PVALEF: variants seen among roughly 807,000 people sequenced by gnomAD.
The protein encoded by PVALEF is parvalbumin like EF-hand containing, also known as parvalbumin-like EF-hand-containing protein.
A neutral mutation model predicts 1.2 loss-of-function variants in PVALEF; 2 were observed. The ratio of observed to expected loss-of-function variants is 1.68; its 90% CI spans 0.69 to 5.28. PVALEF has a LOEUF of 5.28. PVALEF is among the 30% of genes most tolerant of loss of function. PVALEF has a pLI of 0.06. For synonymous variants in PVALEF, 16 were observed against 6.5 expected (o/e 2.47, Z -2.24); for missense variants, 35 against 17.7 (o/e 1.97, Z -1.75).
chr17:81,172,529 G>A (rs2061524070), intron 2 of PVALEF, among the ~76,000 whole-genome samples: 1 of 152,200 alleles, frequency 6.6e-6, no homozygotes, highest in Non-Finnish European at 1.5e-5. Context: ...TGTAATCCCG[G>A]CACTTTGGGA....
At chr17:81,165,880 C>T in intron 1 of PVALEF, 133 bp downstream of exon 1, 1 of 1,548,238 alleles carries the variant, frequency 6.5e-7, no homozygotes, top group Non-Finnish European at 8.7e-7. Flanking sequence ...GGCCCAGGGG[C>T]ATCACGTCCG....
intron 2 of PVALEF, among the ~76,000 whole-genome samples, chr17:81,172,745 C>T (rs2061524888): frequency 6.6e-6 from 1 of 152,142 alleles, no homozygotes; most frequent in African/African-American, 2.4e-5. Flanking sequence ...GCCTGGGCGA[C>T]AGAGCGAGAC....
chr17:81,174,006 G>T (rs963053396), intron 2 of PVALEF, among the ~76,000 whole-genome samples: 1 of 152,188 alleles, frequency 6.6e-6, no homozygotes, highest in African/African-American at 2.4e-5. Context: ...TACAAAATTT[G>T]ATCAGTGTGA....
At chr17:81,176,055 G>A (rs1331399535) in intron 2 of PVALEF, among the ~76,000 whole-genome samples, 2 of 152,164 alleles carry the variant, frequency 1.3e-5, no homozygotes, top group African/African-American at 4.8e-5. Flanking sequence ...GAAATTTAGA[G>A]AGAACATATG....
chr17:81,181,252 TG>T lies in PVALEF; in HGVS notation c.27del (p.Met9IlefsTer24). On this transcript the variant is annotated frameshift_variant, in exon 4 of 7. Coordinates refer to ENST00000637878, the MANE Select transcript of PVALEF (RefSeq NM_001354639.2). LOFTEE classifies it high-confidence loss of function. MEEDFSSQ[M>X]KKMALAMGTS... ...ATGGAGGAGGACTTCTCCTCCCAGA[TG>T]AAGAAGATGGCCTTGGCCATGGGCA... 1 of 702,732 alleles carries T rather than the reference TG, an allele frequency of 1.4e-6. No individual in the cohort carries two copies. The highest frequency in any genetic ancestry group is 2.6e-6 in the Non-Finnish European group (1 of 384,656). 43.5% of individuals were successfully genotyped at this position (702,732 alleles called of 1,614,324 possible).
intron 2 of PVALEF, among the ~76,000 whole-genome samples, chr17:81,173,493 A>G (rs761880049): frequency 3.9e-5 from 6 of 152,202 alleles, no homozygotes; most frequent in Admixed American, 6.5e-5. Flanking sequence ...AGAACCGACT[A>G]TGTGGCTTGC....
intron 2 of PVALEF, among the ~76,000 whole-genome samples, chr17:81,176,968 C>T (rs1463322640): frequency 6.7e-6 from 1 of 149,426 alleles, no homozygotes; most frequent in Non-Finnish European, 1.5e-5. Flanking sequence ...CTTTTGTCAC[C>T]CAGGCTGGAG....
intron 2 of PVALEF, among the ~76,000 whole-genome samples, chr17:81,174,208 G>A (rs1275705144): frequency 1.3e-5 from 2 of 152,186 alleles, no homozygotes; most frequent in Non-Finnish European, 2.9e-5. Context: ...GTGGTGAAAG[G>A]CTGAAAACTT....
chr17:81,175,522 C>T (rs2061533630), intron 2 of PVALEF, among the ~76,000 whole-genome samples: 1 of 152,208 alleles, frequency 6.6e-6, no homozygotes, highest in Admixed American at 6.5e-5. Flanking sequence ...CTCCTACTTC[C>T]TGTTTTCAAA....
At chr17:81,168,473 CAGG>C (rs1298159053) in intron 2 of PVALEF, among the ~76,000 whole-genome samples, 3 of 152,208 alleles carry the variant, frequency 2.0e-5, no homozygotes, top group Admixed American at 1.3e-4. Flanking sequence ...TCGCTGGAAC[CAGG>C]AGTTCAGATG....
chr17:81,181,796 C>T (rs969521590), intron 5 of PVALEF, 102 bp downstream of exon 5: 1 of 398,202 alleles, frequency 2.5e-6, no homozygotes, highest in African/African-American at 2.1e-5. Context: ...CCCCGCTGGC[C>T]TTGCAGCTGG....
chr17:81,170,728 G>A (rs1385945801), intron 2 of PVALEF, among the ~76,000 whole-genome samples: 2 of 152,194 alleles, frequency 1.3e-5, no homozygotes, highest in African/African-American at 4.8e-5. Flanking sequence ...TGCCTGCTGG[G>A]CACCACAGTA....
chr17:81,179,366 A>C (rs1302167610), intron 3 of PVALEF, among the ~76,000 whole-genome samples: 1 of 152,190 alleles, frequency 6.6e-6, no homozygotes, highest in African/African-American at 2.4e-5. Context: ...GGGCCCCCGG[A>C]TGGAAGACAG....
intron 6 of PVALEF, among the ~76,000 whole-genome samples, 183 bp from the exon 7 acceptor site, chr17:81,182,782 C>T (rs745653478): frequency 3.9e-5 from 6 of 152,218 alleles, no homozygotes; most frequent in Non-Finnish European, 7.3e-5. Context: ...ACAGCTCCAG[C>T]GTGGGGCCGC....
intron 2 of PVALEF, among the ~76,000 whole-genome samples, chr17:81,168,801 T>G (rs536369404): frequency 1.3e-5 from 2 of 151,276 alleles, no homozygotes; most frequent in East Asian, 3.9e-4. Context: ...AGCCTGGGGG[T>G]CTGGGGATTA....
chr17:81,173,746 A>T (rs2061527926), intron 2 of PVALEF, among the ~76,000 whole-genome samples: 1 of 152,114 alleles, frequency 6.6e-6, no homozygotes, highest in Non-Finnish European at 1.5e-5. Context: ...AAGAACAAAC[A>T]CCAATTCCTC....
At position 81,181,316 on chromosome 17, in the gene PVALEF, A is replaced by G. The variant is rs906180; in HGVS notation, c.90A>G (p.Thr30=). Residue 30 remains threonine, a synonymous_variant, in exon 4 of 7, where the codon ACA becomes ACG. Coordinates refer to ENST00000637878, the MANE Select transcript of PVALEF (RefSeq NM_001354639.2). ...ACAAGGACATTGAGCTGCTGCCCAC[A>G]GACATGAGACACCACGGTACAGCAT... ...LSDKDIELLP[T]DMRHHGSFNY... 583,198 of 687,856 alleles carry G rather than the reference A, an allele frequency of 0.85. 248,049 individuals are homozygous for G. Among genetic ancestry groups the G allele is most frequent in the Admixed American group, 0.89 (43,449 of 48,758 alleles). The allele number at this position is 687,856 out of a possible 1,614,324, so 42.6% of individuals were successfully genotyped here. A position where few individuals can be genotyped will look rare whatever the true frequency, so the allele number is the denominator to read the frequency against.
chr17:81,168,585 G>T (rs2061507278), intron 2 of PVALEF, among the ~76,000 whole-genome samples: 1 of 152,180 alleles, frequency 6.6e-6, no homozygotes, highest in Non-Finnish European at 1.5e-5. Flanking sequence ...GGTCCCTGAA[G>T]ACATAGCTGT....
At position 81,182,025 on chromosome 17, in the gene PVALEF, C is replaced by T. The variant is rs376239757; in HGVS notation, c.302C>T (p.Ala101Val). Reference sequence around the variant, plus strand: ...ACCACCCCGCTGACAGACGAGGAGGCCGAGGCCATGATCCAGGCGGCAGAC... The same window carrying T: ...ACCACCCCGCTGACAGACGAGGAGGTCGAGGCCATGATCCAGGCGGCAGAC... ...GPTTPLTDEE[A>V]EAMIQAADTH... The change falls in exon 6 of 7, where the codon GCC becomes GTC. Residue 101 changes from alanine (A) to valine (V), a missense_variant. Transcript: ENST00000637878. 1.7e-4 allele frequency: 69 copies of T among 398,828 alleles called. No homozygotes were observed. In the East Asian group the frequency reaches 2.3e-3, roughly 14 times the overall value. 24.7% of individuals were successfully genotyped at this position (398,828 alleles called of 1,614,324 possible). A position where few individuals can be genotyped will look rare whatever the true frequency, so the allele number is the denominator to read the frequency against.
Sources: allele counts gnomAD v4.1 joint callset (sites outside exome capture counted in the v4.1 genomes callset), GRCh38; gene constraint gnomAD v4.1.1; transcripts MANE v1.5; gene names NCBI Gene and HGNC (gene_info 2026-07-23, HGNC 2026-07-21).